ACOT7: variants seen among roughly 807,000 people sequenced by gnomAD.
ACOT7 encodes acyl-CoA thioesterase 7, also known as cytosolic acyl coenzyme A thioester hydrolase.
In ACOT7, 12 loss-of-function variants were observed where a neutral mutation model predicts 40.2. That is an observed-to-expected ratio of 0.30 (90% CI 0.19 to 0.48). The LOEUF (loss-of-function observed/expected upper bound fraction) is 0.48. Ranked by LOEUF, ACOT7 falls within the 20% of genes least tolerant of loss-of-function variation. The pLI, the probability that ACOT7 is intolerant of heterozygous loss-of-function variation, is 0.99. For synonymous variants in ACOT7, 228 were observed against 219.5 expected (o/e 1.04, Z -0.34); for missense variants, 395 against 530.8 (o/e 0.74, Z 2.51).
intron 1 of ACOT7, among the ~76,000 whole-genome samples, chr1:6,357,894 T>C (rs1362315646): frequency 1.4e-5 from 2 of 146,806 alleles, no homozygotes; most frequent in African/African-American, 2.5e-5. Context: ...TGAGAGGGAG[T>C]CTCGCTCTGT....
At chr1:6,375,762 C>G (rs575195712) in intron 1 of ACOT7, among the ~76,000 whole-genome samples, 2 of 151,286 alleles carry the variant, frequency 1.3e-5, no homozygotes, top group South Asian at 4.2e-4. Flanking sequence ...CGGTGAAACC[C>G]CGTCTCTACT....
chr1:6,301,943 G>A lies in ACOT7; in HGVS notation c.713-6963C>T, dbSNP rs1557639838. On this transcript the variant is annotated intron_variant, in intron 6 of 8. Transcript: ENST00000361521. This position sits in a 1 kb window ranked among gnomAD's most constrained non-coding sequence, Gnocchi z 4.1. ...GAAACCACGCAGAGTTTAGATCAGC[G>A]GCAGACCTGCTATGAAACAACAACT... Among the ~76,000 whole-genome samples the A allele has an allele frequency of 1.3e-5, 2 of 152,200 alleles. No homozygotes were observed. The highest frequency in any genetic ancestry group is 2.1e-4 in the South Asian group (1 of 4,828).
At chr1:6,372,842 G>A (rs998467298) in intron 1 of ACOT7, among the ~76,000 whole-genome samples, 1 of 152,124 alleles carries the variant, frequency 6.6e-6, no homozygotes, top group Non-Finnish European at 1.5e-5. Flanking sequence ...GTGCCACCGT[G>A]CCTGGCCTCC....
intron 1 of ACOT7, among the ~76,000 whole-genome samples, chr1:6,354,199 A>T (rs1641674345): frequency 6.6e-6 from 1 of 152,058 alleles, no homozygotes; most frequent in South Asian, 2.1e-4. Context: ...CCAGCTGATG[A>T]CAAGGGCTCT....
At chr1:6,365,597 A>G (rs939525060) in intron 1 of ACOT7, among the ~76,000 whole-genome samples, 7 of 151,960 alleles carry the variant, frequency 4.6e-5, no homozygotes, top group East Asian at 2.0e-4. Flanking sequence ...GTGAAACCCC[A>G]TCTCTACTAA....
intron 7 of ACOT7, among the ~76,000 whole-genome samples, chr1:6,285,064 T>G (rs1270657823): frequency 1.3e-5 from 2 of 152,218 alleles, no homozygotes; most frequent in African/African-American, 2.4e-5. Flanking sequence ...TTCACTGTTG[T>G]CTGTCTGTCC....
intron 3 of ACOT7, among the ~76,000 whole-genome samples, 193 bp downstream of exon 3, chr1:6,339,240 C>T (rs1369096486): frequency 1.3e-5 from 2 of 152,248 alleles, no homozygotes; most frequent in Non-Finnish European, 2.9e-5. Flanking sequence ...TTCCTAACCC[C>T]TCTGTGCCCC....
Position 6,306,832 on chromosome 1 carries a change from A to C in ACOT7, c.712+11660T>G. The C allele has an allele frequency of 2.3e-6, 3 of 1,289,086 alleles. No individual in the cohort carries two copies. Among genetic ancestry groups the C allele is most frequent in the Non-Finnish European group, 3.0e-6 (3 of 988,666 alleles). 79.9% of individuals were successfully genotyped at this position (1,289,086 alleles called of 1,614,324 possible). A position where few individuals can be genotyped will look rare whatever the true frequency, so the allele number is the denominator to read the frequency against. On this transcript the variant is annotated intron_variant, in intron 6 of 8. Transcript: ENST00000361521. The surrounding 1 kb of genome is among the most constrained non-coding windows in gnomAD (Gnocchi z 4.3). ...CGGCCAAACAAGGTCACGGAATTGG[A>C]AAAGAGTAACTGTGCCCTCTTTTGC...
At chr1:6,381,484 C>T (rs975626085) in intron 1 of ACOT7, among the ~76,000 whole-genome samples, 3 of 151,572 alleles carry the variant, frequency 2.0e-5, no homozygotes, top group African/African-American at 7.3e-5. Flanking sequence ...CAATGAAACA[C>T]CACTTCACAC....
intron 2 of ACOT7, among the ~76,000 whole-genome samples, chr1:6,342,794 C>T (rs886121346): frequency 6.6e-6 from 1 of 152,200 alleles, no homozygotes; most frequent in Non-Finnish European, 1.5e-5. Flanking sequence ...TTTTCTGGGC[C>T]CAAGGACAAA....
intron 2 of ACOT7, among the ~76,000 whole-genome samples, chr1:6,344,579 C>T (rs1641365383): frequency 6.6e-6 from 1 of 152,030 alleles, no homozygotes; most frequent in East Asian, 1.9e-4. Flanking sequence ...GCGTGGCCAA[C>T]AGAGTGAAAC....
intron 1 of ACOT7, among the ~76,000 whole-genome samples, chr1:6,373,684 G>T (rs1387264278): frequency 6.6e-6 from 1 of 151,722 alleles, no homozygotes; most frequent in Non-Finnish European, 1.5e-5. Flanking sequence ...GACCAACATG[G>T]TGAAACCCCG....
At chr1:6,298,610 T>C (rs577663096) in intron 6 of ACOT7, among the ~76,000 whole-genome samples, 2 of 152,294 alleles carry the variant, frequency 1.3e-5, no homozygotes, top group South Asian at 4.1e-4. Context: ...AAGATGCCGC[T>C]CCGGGTGCCA....
chr1:6,292,475 C>T lies in ACOT7; in HGVS notation c.829+2389G>A, dbSNP rs190338610. Among the ~76,000 whole-genome samples, 11 of 152,354 alleles carry T rather than the reference C, an allele frequency of 7.2e-5. No homozygotes were observed. The East Asian group carries it at 1.4e-3, about 19-fold the overall frequency. On this transcript the variant is annotated intron_variant, in intron 7 of 8. Coordinates refer to ENST00000361521, the MANE Select transcript of ACOT7 (RefSeq NM_007274.4). ...GAAAGCCTTTGGCAAAGCAGCTCCTCGTCCGAGTTGCCCCAGATGTCTTCT... is the reference window on the plus strand; with the variant it reads ...GAAAGCCTTTGGCAAAGCAGCTCCTTGTCCGAGTTGCCCCAGATGTCTTCT...
At chr1:6,267,483 G>GCCTGCCTT (rs1239033039) in intron 8 of ACOT7, among the ~76,000 whole-genome samples, 2 of 152,212 alleles carry the variant, frequency 1.3e-5, no homozygotes, top group African/African-American at 4.8e-5. Context: ...CTGCCTGCCT[G>GCCTGCCTT]CCTGTCTGTG....
rs1038881450 is a variant in ACOT7 at position 6,275,026 on chromosome 1, C to T, written c.1014+6076G>A. Among the ~76,000 whole-genome samples the T allele has an allele frequency of 2.6e-5, 4 of 152,200 alleles. No homozygotes were observed. The highest frequency in any genetic ancestry group is 7.2e-5 in the African/African-American group (3 of 41,438). ...GGCCTGCTGGCCGTGCGACCCCTGG[C>T]GAGTGACTCCCTGCCTGGTGCCCGC... On this transcript the variant is annotated intron_variant, in intron 8 of 8. Transcript: ENST00000361521. This position sits in a 1 kb window ranked among gnomAD's most constrained non-coding sequence, Gnocchi z 5.6.
intron 5 of ACOT7, among the ~76,000 whole-genome samples, chr1:6,320,773 C>T: frequency 6.6e-6 from 1 of 152,200 alleles, no homozygotes; most frequent in East Asian, 1.9e-4. Flanking sequence ...ATTCTTTGCA[C>T]ACGTGGAGCA....
chr1:6,323,119 A>G (rs950801329), intron 5 of ACOT7, among the ~76,000 whole-genome samples: 2 of 152,046 alleles, frequency 1.3e-5, no homozygotes, highest in Non-Finnish European at 2.9e-5. Context: ...AACAAGAGCA[A>G]AACGCCGTCT....
chr1:6,282,544 G>A lies in ACOT7; in HGVS notation c.830-1258C>T, dbSNP rs1301513444. 1.3e-5 allele frequency among the ~76,000 whole-genome samples: 2 copies of A among 152,168 alleles called. No individual in the cohort carries two copies. Among genetic ancestry groups the A allele is most frequent in the African/African-American group, 4.8e-5 (2 of 41,442 alleles). On this transcript the variant is annotated intron_variant, in intron 7 of 8. Coordinates refer to ENST00000361521, the MANE Select transcript of ACOT7 (RefSeq NM_007274.4). This position sits in a 1 kb window ranked among gnomAD's most constrained non-coding sequence, Gnocchi z 4.5. ...TCGGGGACTTTTTAATGTGGCCTCT[G>A]GAACCCCCAGTGTCCTAGCTGCACC...
Sources: allele counts gnomAD v4.1 joint callset (sites outside exome capture counted in the v4.1 genomes callset), GRCh38; gene constraint gnomAD v4.1.1; non-coding constraint Gnocchi (gnomAD v3.1); transcripts MANE v1.5; gene names NCBI Gene and HGNC (gene_info 2026-07-23, HGNC 2026-07-21).